The following PAX5 variants were observed in gnomAD, a reference collection of about 807,000 sequenced individuals.
PAX5 encodes paired box protein Pax-5.
Under a neutral mutation model 43.7 loss-of-function variants are expected in PAX5, and 9 were observed. The observed-to-expected ratio is 0.21, with a 90% CI of 0.12 to 0.36. The LOEUF is 0.36. PAX5 is among the 10% of genes least tolerant of loss of function. The pLI, the probability that PAX5 is intolerant of heterozygous loss-of-function variation, is 1.00. For synonymous variants in PAX5, 228 were observed against 214.3 expected (o/e 1.06, Z -0.56); for missense variants, 383 against 532.7 (o/e 0.72, Z 2.77).
At chr9:36,988,958 A>T (rs1303155655) in intron 5 of PAX5, among the ~76,000 whole-genome samples, 2 of 152,206 alleles carry the variant, frequency 1.3e-5, no homozygotes, top group Admixed American at 6.5e-5. Context: ...TTGCTGTCAA[A>T]GCTCACACTG....
At chr9:36,865,606 A>C (rs1195910014) in intron 8 of PAX5, among the ~76,000 whole-genome samples, 1 of 152,188 alleles carries the variant, frequency 6.6e-6, no homozygotes, top group East Asian at 1.9e-4. Context: ...ACCAGAACAT[A>C]TTCCGCAAAT....
intron 9 of PAX5, among the ~76,000 whole-genome samples, chr9:36,840,901 A>G (rs1821995508): frequency 6.6e-6 from 1 of 152,220 alleles, no homozygotes; most frequent in African/African-American, 2.4e-5. Flanking sequence ...GTTTTAGTGA[A>G]TAACATTTTA....
intron 5 of PAX5, among the ~76,000 whole-genome samples, chr9:36,977,509 G>T (rs929520888): frequency 1.3e-5 from 2 of 150,732 alleles, no homozygotes; most frequent in African/African-American, 2.4e-5. Flanking sequence ...TTTTTTGTTT[G>T]TTTTTTTTGG....
chr9:36,931,627 T>C (rs556337556), intron 6 of PAX5, among the ~76,000 whole-genome samples: 1 of 152,172 alleles, frequency 6.6e-6, no homozygotes, highest in East Asian at 1.9e-4. Context: ...GGTGGGCGGA[T>C]CACCTGAGAT....
chr9:36,983,726 G>A (rs768654546), intron 5 of PAX5, among the ~76,000 whole-genome samples: 17 of 152,080 alleles, frequency 1.1e-4, no homozygotes, highest in African/African-American at 3.1e-4. Context: ...CACCCCTCTC[G>A]GCCTCCCAAA....
At chr9:36,972,284 G>A (rs1289721457) in intron 5 of PAX5, among the ~76,000 whole-genome samples, 2 of 152,202 alleles carry the variant, frequency 1.3e-5, no homozygotes, top group East Asian at 3.9e-4. Flanking sequence ...GGCCGTGGCA[G>A]GGCCCAGTGG....
At chr9:37,002,532 G>C in intron 5 of PAX5, 116 bp downstream of exon 5, 1 of 1,114,234 alleles carries the variant, frequency 9.0e-7, no homozygotes, top group Non-Finnish European at 1.3e-6. Flanking sequence ...CGGGGGACTC[G>C]CTCCTCTGCA....
At chr9:36,923,731 A>T (rs575763226) in intron 6 of PAX5, among the ~76,000 whole-genome samples, 18 of 152,262 alleles carry the variant, frequency 1.2e-4, no homozygotes, top group African/African-American at 4.3e-4. Context: ...ACTTCACAAG[A>T]ATCCAAACTT....
At chr9:36,966,844 T>C in intron 5 of PAX5, 120 bp from the exon 6 acceptor site, 2 of 855,928 alleles carry the variant, frequency 2.3e-6, no homozygotes, top group South Asian at 1.7e-5. Context: ...GACCAGAGAA[T>C]ACACCAGCAG....
At chr9:36,898,011 G>T (rs57437928) in intron 7 of PAX5, among the ~76,000 whole-genome samples, 2 of 152,294 alleles carry the variant, frequency 1.3e-5, no homozygotes, top group East Asian at 3.9e-4. Context: ...ACCAGCAAAT[G>T]CCTGTGCCTC....
chr9:36,939,620 C>A (rs1451520215), intron 6 of PAX5, among the ~76,000 whole-genome samples: 4 of 152,204 alleles, frequency 2.6e-5, no homozygotes, highest in Non-Finnish European at 5.9e-5. Flanking sequence ...CGGAAAATAG[C>A]ATCTGTAATT....
At chr9:36,996,186 C>A (rs1588174527) in intron 5 of PAX5, among the ~76,000 whole-genome samples, 1 of 152,284 alleles carries the variant, frequency 6.6e-6, no homozygotes, top group Non-Finnish European at 1.5e-5. Context: ...CTGCCCTCTG[C>A]CATGACGGGC....
intron 7 of PAX5, among the ~76,000 whole-genome samples, chr9:36,917,014 T>C (rs548022066): frequency 6.6e-6 from 1 of 152,256 alleles, no homozygotes; most frequent in African/African-American, 2.4e-5. Flanking sequence ...CTAACTATTG[T>C]TTACTTATAA....
At chr9:36,901,335 C>A (rs970470788) in intron 7 of PAX5, among the ~76,000 whole-genome samples, 2 of 152,110 alleles carry the variant, frequency 1.3e-5, no homozygotes, top group Non-Finnish European at 2.9e-5. Flanking sequence ...AATTCCTGCT[C>A]ATTTCCGTGT....
chr9:36,840,651 A>T lies in PAX5; in HGVS notation c.1100-15T>A, dbSNP rs767799495. 8 of 1,529,584 alleles carry T rather than the reference A, an allele frequency of 5.2e-6. No individual in the cohort carries two copies. In the African/African-American group the frequency reaches 1.1e-4, roughly 21 times the overall value. The allele number at this position is 1,529,584 out of a possible 1,614,324, so 94.8% of individuals were successfully genotyped here. ...GTAGGGGGAGCCTGGAAGAGACGGG[A>T]GAGAGCACCGAGGTCAGATCCGGGG... On this transcript the variant is annotated splice_polypyrimidine_tract_variant and intron_variant, in intron 9 of 9. Coordinates refer to ENST00000358127, the MANE Select transcript of PAX5 (RefSeq NM_016734.3).
intron 5 of PAX5, among the ~76,000 whole-genome samples, chr9:36,993,739 T>C (rs1588168063): frequency 6.8e-6 from 1 of 147,864 alleles, no homozygotes; most frequent in South Asian, 2.2e-4. Context: ...CACCTCAAGT[T>C]CCAGACCGCC....
intron 8 of PAX5, among the ~76,000 whole-genome samples, chr9:36,854,229 G>A (rs113446177): frequency 6.6e-5 from 10 of 152,198 alleles, no homozygotes; most frequent in Admixed American, 3.3e-4. Context: ...GCGGCTACCC[G>A]GGATGTTGCG....
At chr9:37,013,079 C>G (rs1170758712) in intron 3 of PAX5, among the ~76,000 whole-genome samples, 1 of 146,530 alleles carries the variant, frequency 6.8e-6, no homozygotes, top group East Asian at 2.0e-4. Context: ...GGGAGACCCC[C>G]ATCTCTACAT....
At chr9:37,022,866 G>T (rs1319332461) in intron 1 of PAX5, among the ~76,000 whole-genome samples, 1 of 152,088 alleles carries the variant, frequency 6.6e-6, no homozygotes, top group Non-Finnish European at 1.5e-5. Flanking sequence ...GGGTGACCTG[G>T]GAGCCTGTTA....
Sources: gnomAD v4.1 joint callset for allele counts (sites outside exome capture counted in the v4.1 genomes callset) on GRCh38, gnomAD v4.1.1 for gene constraint, MANE v1.5 for transcripts, NCBI Gene and HGNC (gene_info 2026-07-23, HGNC 2026-07-21) for gene names.